FER: variants seen among roughly 807,000 people sequenced by gnomAD.
FER encodes tyrosine-protein kinase Fer.
Under a neutral mutation model 111.0 loss-of-function variants are expected in FER, and 63 were observed. The observed-to-expected ratio is 0.57, with a 90% CI of 0.46 to 0.70. The LOEUF is 0.70. FER is among the 30% of genes least tolerant of loss of function. The pLI is 0.00. For missense variants in FER, 914 were observed against 954.0 expected (o/e 0.96, Z 0.55); for synonymous variants, 327 against 313.9 (o/e 1.04, Z -0.44).
chr5:109,096,194 A>C (rs3797849), intron 16 of FER, among the ~76,000 whole-genome samples: 1 of 152,034 alleles, frequency 6.6e-6, no homozygotes, highest in Non-Finnish European at 1.5e-5. Flanking sequence ...GAAATCTTTG[A>C]GAAACAGTTG....
At chr5:108,992,535 A>T (rs866765108) in intron 13 of FER, among the ~76,000 whole-genome samples, 2 of 124,726 alleles carry the variant, frequency 1.6e-5, no homozygotes, top group African/African-American at 3.1e-5. Flanking sequence ...CGGACGGGGC[A>T]GCTGGCCGGG....
At chr5:109,143,692 C>T (rs10213898) in intron 17 of FER, among the ~76,000 whole-genome samples, 60,107 of 151,400 alleles carry the variant, frequency 0.4, 12,169 homozygotes, top group Non-Finnish European at 0.43. Flanking sequence ...TTGTCTTCCA[C>T]CAATCTTTTT....
At chr5:108,794,183 C>G (rs987907938) in intron 2 of FER, among the ~76,000 whole-genome samples, 1 of 149,074 alleles carries the variant, frequency 6.7e-6, no homozygotes, top group African/African-American at 2.5e-5. Flanking sequence ...CCTTTTCTTT[C>G]TGATTGATTA....
chr5:109,042,428 A>G (rs943801300), intron 14 of FER, among the ~76,000 whole-genome samples: 3 of 152,162 alleles, frequency 2.0e-5, no homozygotes, highest in Admixed American at 6.5e-5. Flanking sequence ...ATACAGAGTG[A>G]TGAGTGTCCT....
At chr5:108,801,087 T>C (rs983899342) in intron 3 of FER, among the ~76,000 whole-genome samples, 2 of 152,232 alleles carry the variant, frequency 1.3e-5, no homozygotes, top group African/African-American at 4.8e-5. Flanking sequence ...TAAAGAGTTT[T>C]GCCTGTGTTA....
intron 2 of FER, among the ~76,000 whole-genome samples, chr5:108,796,549 G>T (rs997472962): frequency 6.6e-6 from 1 of 152,102 alleles, no homozygotes; most frequent in Admixed American, 6.5e-5. Flanking sequence ...TCTACCTGAT[G>T]CCCTATTCTA....
At chr5:109,116,785 G>A (rs185590576) in intron 17 of FER, among the ~76,000 whole-genome samples, 82 of 152,252 alleles carry the variant, frequency 5.4e-4, no homozygotes, top group African/African-American at 1.5e-3. Context: ...ATAGTTTGAA[G>A]ACAAATGGCA....
At chr5:108,853,178 T>C (rs1043647056) in intron 5 of FER, among the ~76,000 whole-genome samples, 2 of 152,162 alleles carry the variant, frequency 1.3e-5, no homozygotes, top group Non-Finnish European at 2.9e-5. Context: ...GGTAAAATTA[T>C]AATCTTTCAA....
intron 17 of FER, among the ~76,000 whole-genome samples, chr5:109,114,547 T>G (rs1336564147): frequency 6.6e-6 from 1 of 152,116 alleles, no homozygotes; most frequent in Non-Finnish European, 1.5e-5. Context: ...TAACCTTTTC[T>G]TCAGGGCCAA....
At chr5:108,891,544 T>TA (rs200496756) in intron 9 of FER, 13 of 151,232 alleles carry the variant, frequency 8.6e-5, no homozygotes, top group East Asian at 5.8e-4. Flanking sequence ...TGACTAGTCT[T>TA]AAAAAAAAAG....
chr5:109,037,555 A>G (rs528884918), intron 14 of FER, 77 bp downstream of exon 14: 3 of 1,214,120 alleles, frequency 2.5e-6, no homozygotes, highest in Non-Finnish European at 3.6e-6. Flanking sequence ...CATTTTCCTC[A>G]AAGCTTTTCT....
chr5:108,794,342 C>G (rs1755745917), intron 2 of FER, among the ~76,000 whole-genome samples: 1 of 151,820 alleles, frequency 6.6e-6, no homozygotes. Flanking sequence ...TGCGGCCTCC[C>G]TAGTAGCTGG....
intron 10 of FER, among the ~76,000 whole-genome samples, chr5:108,934,610 T>C (rs1755190607): frequency 1.3e-5 from 2 of 152,174 alleles, no homozygotes; most frequent in African/African-American, 4.8e-5. Context: ...TCAAACCACA[T>C]GTGCTAATTA....
At position 108,946,508 on chromosome 5, in the gene FER, A is replaced by G. The variant is rs562589453; in HGVS notation, c.1329+286A>G. Among the ~76,000 whole-genome samples the G allele has an allele frequency of 3.9e-5, 6 of 152,098 alleles. No individual in the cohort carries two copies. In the East Asian group the frequency reaches 1.2e-3, roughly 29 times the overall value. On this transcript the variant is annotated intron_variant, in intron 11 of 19. Transcript: ENST00000281092. The stretch of plus-strand genomic sequence containing the variant: ...TACAATATACAAATAATTATGAGAA[A>G]CATTTTATGTACTTTGATTCTTACT...
At chr5:108,749,572 C>T (rs1236379463) in intron 1 of FER, among the ~76,000 whole-genome samples, 1 of 152,216 alleles carries the variant, frequency 6.6e-6, no homozygotes, top group African/African-American at 2.4e-5. Flanking sequence ...CTCCCTTGAC[C>T]CGCTCGGTCC....
chr5:109,040,593 A>C (rs1486800902), intron 14 of FER, among the ~76,000 whole-genome samples: 1 of 152,118 alleles, frequency 6.6e-6, no homozygotes, highest in Non-Finnish European at 1.5e-5. Context: ...CCAGTTTGGA[A>C]TGGATTTGAG....
intron 1 of FER, among the ~76,000 whole-genome samples, chr5:108,755,851 T>G (rs548111664): frequency 1.3e-5 from 2 of 151,386 alleles, no homozygotes; most frequent in Non-Finnish European, 2.9e-5. Context: ...CATCTTGTTT[T>G]ATGAAAATAT....
intron 16 of FER, among the ~76,000 whole-genome samples, chr5:109,067,595 T>C (rs888962741): frequency 4.6e-5 from 7 of 152,294 alleles, no homozygotes; most frequent in Middle Eastern, 3.4e-3. Context: ...AGATTTAATC[T>C]ATTCTTTTAG....
At chr5:109,118,077 G>T (rs1750484032) in intron 17 of FER, among the ~76,000 whole-genome samples, 1 of 152,038 alleles carries the variant, frequency 6.6e-6, no homozygotes, top group South Asian at 2.1e-4. Flanking sequence ...GGGCATCCGT[G>T]TCTTGTGCCA....
Sources: gnomAD v4.1 joint callset for allele counts (sites outside exome capture counted in the v4.1 genomes callset) on GRCh38, gnomAD v4.1.1 for gene constraint, MANE v1.5 for transcripts, NCBI Gene and HGNC (gene_info 2026-07-23, HGNC 2026-07-21) for gene names.